The following CCDC136 variants were observed in gnomAD, a reference collection of about 807,000 sequenced individuals.
CCDC136 encodes coiled-coil domain containing 136.
In CCDC136, 100 loss-of-function variants were observed where a neutral mutation model predicts 141.2. That is an observed-to-expected ratio of 0.71 (90% CI 0.60 to 0.84). CCDC136 has a LOEUF of 0.84. Among genes scored for constraint, CCDC136 ranks in the 40% least tolerant of loss-of-function variants. CCDC136 has a pLI of 0.00. For synonymous variants in CCDC136, 474 were observed against 531.9 expected (o/e 0.89, Z 1.50); for missense variants, 1,206 against 1,379.4 (o/e 0.87, Z 1.99).
At chr7:128,814,562 T>A in intron 14 of CCDC136, 76 bp from the exon 15 acceptor site, 1 of 1,214,740 alleles carries the variant, frequency 8.2e-7, no homozygotes, top group Non-Finnish European at 1.1e-6. Flanking sequence ...CAAGCAGGGC[T>A]GAGTTTGGTT....
rs769041648 is a variant in CCDC136, at chr7:128,801,498, C to T, written c.659C>T (p.Ser220Phe). ...GGTAGTTTAGGTCTCTCAGATTACTCTGGGTTACAAGGTATGAGAGCCATC... is the reference window on the plus strand; with the variant it reads ...GGTAGTTTAGGTCTCTCAGATTACTTTGGGTTACAAGGTATGAGAGCCATC... ...PSGSLGLSDY[S>F]GLQEELQELR... Residue 220 changes from serine to phenylalanine, a missense_variant, in exon 4 of 18, where the codon TCT becomes TTT. Ser to Phe is a radical substitution (Grantham distance 155). Coordinates refer to ENST00000297788, the MANE Select transcript of CCDC136 (RefSeq NM_022742.5). The T allele has an allele frequency of 6.2e-7, 1 of 1,601,584 alleles. No homozygotes were observed. Among genetic ancestry groups the T allele is most frequent in the Non-Finnish European group, 8.5e-7 (1 of 1,170,898 alleles).
chr7:128,794,839 G>T lies in CCDC136; in HGVS notation c.346+71G>T. ...TCACCTAAGTACTTTTTTCCTGAGG[G>T]TTTGACTGAAGCACAGCAGATAAAA... On this transcript the variant is annotated intron_variant, in intron 3 of 17. Coordinates refer to ENST00000297788, the MANE Select transcript of CCDC136 (RefSeq NM_022742.5). The surrounding 1 kb of genome is among the most constrained non-coding windows in gnomAD (Gnocchi z 4.3). 1.6e-6 allele frequency: 2 copies of T among 1,240,600 alleles called. No individual in the cohort carries two copies. Among genetic ancestry groups the T allele is most frequent in the Non-Finnish European group, 2.3e-6 (2 of 868,248 alleles). 76.8% of individuals were successfully genotyped at this position (1,240,600 alleles called of 1,614,324 possible).
intron 3 of CCDC136, among the ~76,000 whole-genome samples, chr7:128,796,148 G>A (rs186468994): frequency 6.6e-6 from 1 of 152,258 alleles, no homozygotes; most frequent in Admixed American, 6.5e-5. Flanking sequence ...GCTAATTATT[G>A]TATTTTTAGT....
chr7:128,802,414 G>C (rs1804185274), intron 4 of CCDC136, among the ~76,000 whole-genome samples: 2 of 152,130 alleles, frequency 1.3e-5, no homozygotes, highest in African/African-American at 4.8e-5. Context: ...AGATTAAATG[G>C]TGCTGGGAGA....
At chr7:128,810,896 T>C (rs531339693) in intron 12 of CCDC136, among the ~76,000 whole-genome samples, 46 of 152,204 alleles carry the variant, frequency 3.0e-4, no homozygotes, top group Admixed American at 5.2e-4. Flanking sequence ...ACTATCTTCA[T>C]TGGAACTTTG....
chr7:128,793,651 C>T (rs539193103), intron 1 of CCDC136, among the ~76,000 whole-genome samples: 9 of 152,298 alleles, frequency 5.9e-5, no homozygotes, highest in African/African-American at 2.2e-4. Context: ...CTCTGTTGCC[C>T]AGGCTGGAGT....
rs371820153 is a variant in CCDC136 at position 128,792,362 on chromosome 7, G to A, written c.-50G>A. The A allele has an allele frequency of 2.0e-5, 33 of 1,610,636 alleles. No homozygotes were observed. The African/African-American group carries it at 4.2e-4, about 20-fold the overall frequency. On this transcript the variant is annotated 5_prime_UTR_variant, in exon 1 of 18. Transcript: ENST00000297788. ...CTAGGCTCCTATGAGGCTTCCGAGG[G>A]CTGTGAGAGGAAGAAGGGCCAACGC...
chr7:128,799,037 A>T (rs902157961), intron 3 of CCDC136, among the ~76,000 whole-genome samples: 2 of 151,760 alleles, frequency 1.3e-5, no homozygotes, highest in Non-Finnish European at 1.5e-5. Context: ...TCTAATTTTT[A>T]AAAAATATCC....
chr7:128,803,971 C>T (rs566442614), intron 4 of CCDC136, among the ~76,000 whole-genome samples: 10 of 152,104 alleles, frequency 6.6e-5, no homozygotes, highest in African/African-American at 1.4e-4. Context: ...TGCACCGCCA[C>T]GCCTGGTTAC....
rs148804445 is a variant in CCDC136, at chr7:128,795,817, T to G, written c.346+1049T>G. 1.6e-4 allele frequency among the ~76,000 whole-genome samples: 24 copies of G among 152,306 alleles called. 4 individuals are homozygous for G. The highest frequency in any genetic ancestry group is 5.3e-4 in the African/African-American group (22 of 41,570). ...ACCTATTTATGAGGTGCCTTTATACTTGGAGGACCAGCTGTGAATGAGACA... is the reference window on the plus strand; with the variant it reads ...ACCTATTTATGAGGTGCCTTTATACGTGGAGGACCAGCTGTGAATGAGACA... On this transcript the variant is annotated intron_variant, in intron 3 of 17. Transcript: ENST00000297788.
intron 14 of CCDC136, 131 bp from the exon 15 acceptor site, chr7:128,814,507 A>T: frequency 1.7e-6 from 1 of 589,636 alleles, no homozygotes; most frequent in Non-Finnish European, 2.9e-6. Flanking sequence ...TTTATTGTCT[A>T]CTTCCTATGG....
upstream of CCDC136, chr7:128,791,659 C>A: frequency 1.4e-6 from 1 of 706,324 alleles, no homozygotes. This position sits in a 1 kb window ranked among gnomAD's most constrained non-coding sequence, Gnocchi z 7.1. Flanking sequence ...CCCCTTTCTC[C>A]GCCCAAAGTC....
chr7:128,815,519 G>A (rs1806458275), intron 15 of CCDC136, 95 bp from the exon 16 acceptor site: 1 of 1,353,104 alleles, frequency 7.4e-7, no homozygotes, highest in African/African-American at 1.5e-5. Context: ...TGACATGCTG[G>A]AAGTCATGTT....
chr7:128,812,815 G>C lies in CCDC136; in HGVS notation c.2649G>C (p.Lys883Asn). The C allele has an allele frequency of 6.2e-7, 1 of 1,613,508 alleles. No individual in the cohort carries two copies. The highest frequency in any genetic ancestry group is 1.3e-5 in the African/African-American group (1 of 74,896). The stretch of plus-strand genomic sequence containing the variant: ...GCCAGCTGCAAGAGCAGATGGAAAA[G>C]TTACTGGCCAAGCAGAAAGACCTGA... ...EHSQLQEQME[K>N]LLAKQKDLKE... Residue 883 changes from lysine (K) to asparagine (N), a missense_variant, in exon 14 of 18, where the codon AAG (lysine) becomes AAC (asparagine). Physicochemically the swap from Lys to Asn is moderately conservative, Grantham distance 94 (BLOSUM62 0). Coordinates refer to ENST00000297788, the MANE Select transcript of CCDC136 (RefSeq NM_022742.5).
At chr7:128,813,627 A>T (rs774089596) in intron 14 of CCDC136, among the ~76,000 whole-genome samples, 7 of 152,146 alleles carry the variant, frequency 4.6e-5, no homozygotes, top group Non-Finnish European at 8.8e-5. Context: ...TGTACAACAC[A>T]GTTCTTTAAG....
intron 17 of CCDC136, among the ~76,000 whole-genome samples, chr7:128,819,742 C>G (rs1000905171): frequency 6.6e-6 from 1 of 152,044 alleles, no homozygotes; most frequent in African/African-American, 2.4e-5. Context: ...TATAAGGACT[C>G]AATATTAGCA....
At chr7:128,806,927 G>A in intron 9 of CCDC136, 69 bp downstream of exon 9, 1 of 1,474,064 alleles carries the variant, frequency 6.8e-7, no homozygotes, top group South Asian at 1.4e-5. Flanking sequence ...GAGCACAGAG[G>A]ACGAGAGGGA....
chr7:128,791,226 C>T (rs1480306211), upstream of CCDC136, among the ~76,000 whole-genome samples: 3 of 152,100 alleles, frequency 2.0e-5, no homozygotes, highest in African/African-American at 7.2e-5. The surrounding 1 kb of genome is among the most constrained non-coding windows in gnomAD (Gnocchi z 7.1). Context: ...CCGGGCCCCG[C>T]GGCTCCCCGC....
Position 128,809,432 on chromosome 7 carries a change from A to ACCCCCCCC in CCDC136, c.1606-15_1606-14insCCCCCCCC. 28 of 1,253,098 alleles carry ACCCCCCCC rather than the reference A, an allele frequency of 2.2e-5. No homozygotes were observed. The highest frequency in any genetic ancestry group is 3.0e-5 in the Non-Finnish European group (27 of 898,150). 77.6% of individuals were successfully genotyped at this position (1,253,098 alleles called of 1,614,324 possible). A position where few individuals can be genotyped will look rare whatever the true frequency, so the allele number is the denominator to read the frequency against. On this transcript the variant is annotated splice_polypyrimidine_tract_variant and intron_variant, in intron 10 of 17. Coordinates refer to ENST00000297788, the MANE Select transcript of CCDC136 (RefSeq NM_022742.5). ...CTTACAGAGTAACCACCCCCTCCACACCCGCCCCCACCCACAGTGTGACAC... is the reference window on the plus strand; with the variant it reads ...CTTACAGAGTAACCACCCCCTCCACACCCCCCCCCCCGCCCCCACCCACAGTGTGACAC...
Sources: allele counts gnomAD v4.1 joint callset (sites outside exome capture counted in the v4.1 genomes callset), GRCh38; gene constraint gnomAD v4.1.1; non-coding constraint Gnocchi (gnomAD v3.1); transcripts MANE v1.5; gene names NCBI Gene and HGNC (gene_info 2026-07-23, HGNC 2026-07-21).